TSC2: variants seen among roughly 807,000 people sequenced by gnomAD.
The protein encoded by TSC2 is TSC complex subunit 2.
Under a neutral mutation model 202.2 loss-of-function variants are expected in TSC2, and 29 were observed. That is an observed-to-expected ratio of 0.14 (90% CI 0.11 to 0.20). The LOEUF (loss-of-function observed/expected upper bound fraction) is 0.20. Ranked by LOEUF, TSC2 falls within the 10% of genes least tolerant of loss-of-function variation. The pLI, the probability that TSC2 is intolerant of heterozygous loss-of-function variation, is 1.00. For missense variants in TSC2, 2,429 were observed against 2,420.0 expected (o/e 1.00, Z -0.08); for synonymous variants, 1,349 against 1,044.0 (o/e 1.29, Z -5.63).
chr16:2,062,571 C>T lies in TSC2; in HGVS notation c.1332C>T (p.Asn444=), dbSNP rs535984356. The change falls in exon 13 of 42, where the codon AAC becomes AAT. Residue 444 remains asparagine (N), a synonymous_variant. Coordinates refer to ENST00000219476, the MANE Select transcript of TSC2 (RefSeq NM_000548.5). Reference sequence around the variant, plus strand: ...CGGCCAAGGACGGCTGGATTCAGAACCTGCAGGCGCTGATGGAGAGATTCT... The same window carrying T: ...CGGCCAAGGACGGCTGGATTCAGAATCTGCAGGCGCTGATGGAGAGATTCT... The part of the protein sequence containing the change: ...IHPAKDGWIQ[N]LQALMERFFR... The T allele has an allele frequency of 1.7e-4, 266 of 1,611,354 alleles. 3 individuals carry two copies. The South Asian group carries it at 2.5e-3, about 15-fold the overall frequency.
At position 2,088,574 on chromosome 16, in the gene TSC2, C is replaced by T. The variant is rs1412229429; in HGVS notation, c.5388C>T (p.Leu1796=). 1 of 1,609,360 alleles carries T rather than the reference C, an allele frequency of 6.2e-7. No homozygotes were observed. The highest frequency in any genetic ancestry group is 1.7e-5 in the Admixed American group (1 of 60,018). Residue 1796 remains leucine (L), a synonymous_variant, in exon 42 of 42, where the codon CTC becomes CTT. Coordinates refer to ENST00000219476, the MANE Select transcript of TSC2 (RefSeq NM_000548.5). ...PGYEVGQRKR[L]ISSVEDFTEF... is the part of the protein sequence containing the mutation. Reference sequence around the variant, plus strand: ...ATGAGGTGGGCCAGCGGAAGCGCCTCATCTCCTCGGTGGAGGACTTCACCG... The same window carrying T: ...ATGAGGTGGGCCAGCGGAAGCGCCTTATCTCCTCGGTGGAGGACTTCACCG...
chr16:2,081,695 G>T lies in TSC2; in HGVS notation c.3711G>T (p.Ala1237=). 5.6e-6 allele frequency: 9 copies of T among 1,612,942 alleles called. No individual in the cohort carries two copies. Among genetic ancestry groups the T allele is most frequent in the Non-Finnish European group, 7.6e-6 (9 of 1,180,018 alleles). The change falls in exon 31 of 42, where the codon GCG becomes GCT. Residue 1237 remains alanine (A), a synonymous_variant. Transcript: ENST00000219476. ...PLQELSNALM[A]AERFKEHRDT... ...AGGAGCTGTCTAACGCCCTCATGGCGGCTGAGCGCTTCAAGGAGCACCGGG... is the reference window on the plus strand; with the variant it reads ...AGGAGCTGTCTAACGCCCTCATGGCTGCTGAGCGCTTCAAGGAGCACCGGG...
Position 2,053,399 on chromosome 16 carries a change from C to T in TSC2, c.283C>T (p.Leu95=), listed in dbSNP as rs1257472165. The T allele has an allele frequency of 6.3e-7, 1 of 1,592,138 alleles. No homozygotes were observed. The highest frequency in any genetic ancestry group is 8.5e-7 in the Non-Finnish European group (1 of 1,170,372). Residue 95 remains leucine, a synonymous_variant, in exon 4 of 42, where the codon CTG becomes TTG. Coordinates refer to ENST00000219476, the MANE Select transcript of TSC2 (RefSeq NM_000548.5). ...VADLLQPERP[L]EARHAVLALL... is the part of the protein sequence containing the mutation. Reference sequence around the variant, plus strand: ...GGATCTGTTGCAGCCGGAGCGGCCGCTGGAGGCCCGGCACGCGGTGCTGGC... The same window carrying T: ...GGATCTGTTGCAGCCGGAGCGGCCGTTGGAGGCCCGGCACGCGGTGCTGGC...
rs771515880 is a variant in TSC2, at chr16:2,055,533, T to G, written c.599+14T>G. ...AAGGATGGTTCAGTAAGAAAAGAAT[T>G]GAGATCCTGTTCTGATAATGGTCCT... On this transcript the variant is annotated intron_variant, in intron 6 of 41. Transcript: ENST00000219476. The G allele has an allele frequency of 6.2e-7, 1 of 1,604,952 alleles. No individual in the cohort carries two copies. The highest frequency in any genetic ancestry group is 2.2e-5 in the East Asian group (1 of 44,818).
intron 2 of TSC2, among the ~76,000 whole-genome samples, chr16:2,050,036 A>G (rs1032448921): frequency 2.0e-5 from 3 of 150,502 alleles, no homozygotes; most frequent in South Asian, 2.1e-4. Flanking sequence ...GCTCACTGCA[A>G]TCTCCGCCTC....
intron 2 of TSC2, among the ~76,000 whole-genome samples, chr16:2,049,956 T>TC (rs892334893): frequency 6.7e-6 from 1 of 149,826 alleles, no homozygotes; most frequent in Non-Finnish European, 1.5e-5. Flanking sequence ...AGTAAATCTT[T>TC]TTTTTTTTTT....
intron 16 of TSC2, among the ~76,000 whole-genome samples, chr16:2,069,124 A>G (rs910867937): frequency 2.0e-5 from 3 of 152,092 alleles, no homozygotes; most frequent in Non-Finnish European, 2.9e-5. Context: ...ACACGGTGAC[A>G]AGTTTGATTC....
rs1415914208 is a variant in TSC2 at position 2,086,638 on chromosome 16, A to G, written c.4850-94A>G. On this transcript the variant is annotated intron_variant, in intron 37 of 41. Coordinates refer to ENST00000219476, the MANE Select transcript of TSC2 (RefSeq NM_000548.5). ...GAGGACGTGGTCCCCGCAGGCCCCC[A>G]GAGCCCCTGGAGTAATCAGGAGGTG... The G allele has an allele frequency of 1.9e-6, 3 of 1,575,064 alleles. No individual in the cohort carries two copies. The African/African-American group carries it at 4.0e-5, about 21-fold the overall frequency.
At position 2,070,429 on chromosome 16, in the gene TSC2, G is replaced by A. The variant is rs45517194; in HGVS notation, c.1717-27G>A. On this transcript the variant is annotated intron_variant, in intron 16 of 41. Transcript: ENST00000219476. The stretch of plus-strand genomic sequence containing the variant: ...GGACTGCGTTTTCACCTCCTGCGCC[G>A]TGGTGAGCTGCGTCCTCTCTCTGCA... The A allele has an allele frequency of 2.9e-5, 46 of 1,613,108 alleles. No homozygotes were observed. The highest frequency in any genetic ancestry group is 2.4e-4 in the East Asian group (11 of 44,900).
At chr16:2,084,019 A>G (rs1451851983) in intron 33 of TSC2, among the ~76,000 whole-genome samples, 3 of 152,140 alleles carry the variant, frequency 2.0e-5, no homozygotes, top group African/African-American at 7.2e-5. Context: ...CTGTGGTCTC[A>G]GGGGATGCTG....
chr16:2,064,551 C>G, intron 15 of TSC2, 124 bp downstream of exon 15: 1 of 1,471,504 alleles, frequency 6.8e-7, no homozygotes, highest in Admixed American at 1.9e-5. Context: ...GTGAGGCTCC[C>G]CTCCCTGCAG....
In TSC2 at chr16:2,081,713, G is replaced by A. The variant is rs2151483009; in HGVS notation, c.3729G>A (p.Glu1243=). 4 of 1,612,978 alleles carry A rather than the reference G, an allele frequency of 2.5e-6. No homozygotes were observed. Among genetic ancestry groups the A allele is most frequent in the Non-Finnish European group, 3.4e-6 (4 of 1,180,016 alleles). The change falls in exon 31 of 42, where the codon GAG becomes GAA. Residue 1243 remains glutamate, a synonymous_variant. Coordinates refer to ENST00000219476, the MANE Select transcript of TSC2 (RefSeq NM_000548.5). ...NALMAAERFK[E]HRDTALYKSL... ...TCATGGCGGCTGAGCGCTTCAAGGA[G>A]CACCGGGACACAGCCCTGTACAAGT...
rs1057521477 is a variant in TSC2 at position 2,079,448 on chromosome 16, C to T, written c.3284+20C>T. 5.6e-6 allele frequency: 9 copies of T among 1,612,592 alleles called. No homozygotes were observed. The highest frequency in any genetic ancestry group is 7.6e-6 in the Non-Finnish European group (9 of 1,179,974). ...GTCGAGGTGACTGCACCTTCCTTTC[C>T]TCCGCGCCTGCCAGCCTCGACACCG... is the stretch of plus-strand genomic sequence containing the variant. On this transcript the variant is annotated intron_variant, in intron 28 of 41. Transcript: ENST00000219476. The surrounding 1 kb of genome is among the most constrained non-coding windows in gnomAD (Gnocchi z 4.6).
Position 2,084,359 on chromosome 16 carries a change from G to A in TSC2, c.4137G>A (p.Ser1379=), listed in dbSNP as rs769653533. 6.3e-5 allele frequency: 101 copies of A among 1,612,414 alleles called. No individual in the cohort carries two copies. In the East Asian group the frequency reaches 1.2e-3, roughly 19 times the overall value. ...RPSVDLSFQP[S]QPLSKSSSSP... ...CTGTGGACCTCTCCTTCCAGCCCTC[G>A]CAGCCCCTGAGCAAGTCCAGCTCCT... The change falls in exon 34 of 42, where the codon TCG becomes TCA. Residue 1379 remains serine (S), a synonymous_variant. Coordinates refer to ENST00000219476, the MANE Select transcript of TSC2 (RefSeq NM_000548.5).
In TSC2 at chr16:2,072,388, G is replaced by C. The variant is rs149860839; in HGVS notation, c.2220+25G>C. On this transcript the variant is annotated intron_variant, in intron 20 of 41. Coordinates refer to ENST00000219476, the MANE Select transcript of TSC2 (RefSeq NM_000548.5). Reference sequence around the variant, plus strand: ...GGTACCATGGCCGGCCTGGGGTTGGGGTGGGGGACCCAGTAGGGTTTTTCC... The same window carrying C: ...GGTACCATGGCCGGCCTGGGGTTGGCGTGGGGGACCCAGTAGGGTTTTTCC... 1,388 of 1,613,254 alleles carry C rather than the reference G, an allele frequency of 8.6e-4. 15 individuals carry two copies. The African/African-American group carries it at 0.017, about 19-fold the overall frequency.
rs780981335 is a variant in TSC2, at chr16:2,077,677, G to A, written c.2917G>A (p.Glu973Lys). Residue 973 changes from glutamate to lysine, a missense_variant, in exon 26 of 42, where the codon GAG becomes AAG. Glu to Lys is a moderately conservative substitution (Grantham distance 56, BLOSUM62 1). Coordinates refer to ENST00000219476, the MANE Select transcript of TSC2 (RefSeq NM_000548.5). ...AGAATTCAAGGAGAGCTCTGCAGCC[G>A]AGGCCTTCCGGTGCCGCAGCATCAG... ...VKEFKESSAA[E>K]AFRCRSISVS... 5 of 1,612,938 alleles carry A rather than the reference G, an allele frequency of 3.1e-6. No homozygotes were observed. Among genetic ancestry groups the A allele is most frequent in the East Asian group, 4.5e-5 (2 of 44,882 alleles).
At chr16:2,057,210 G>A (rs993176924) in intron 9 of TSC2, 32 bp downstream of exon 9, 3 of 1,551,088 alleles carry the variant, frequency 1.9e-6, no homozygotes, top group Admixed American at 3.9e-5. Flanking sequence ...CAGGGCAGTG[G>A]AGGCCAGCAC....
In TSC2 at chr16:2,084,663, A is replaced by G. The variant is rs1596418520; in HGVS notation, c.4441A>G (p.Lys1481Glu). Residue 1481 changes from lysine (K) to glutamate (E), a missense_variant, in exon 34 of 42, where the codon AAG becomes GAG. Lys to Glu is a moderately conservative substitution (Grantham distance 56). Transcript: ENST00000219476. ...RGKRVERDAL[K>E]SRATASNAEK... Reference sequence around the variant, plus strand: ...CAAGAGAGTAGAGAGGGACGCCTTAAAGAGCAGAGCCACAGCCTCCAATGC... The same window carrying G: ...CAAGAGAGTAGAGAGGGACGCCTTAGAGAGCAGAGCCACAGCCTCCAATGC... 6.3e-7 allele frequency: 1 copy of G among 1,598,816 alleles called. No homozygotes were observed. Among genetic ancestry groups the G allele is most frequent in the Non-Finnish European group, 8.5e-7 (1 of 1,179,812 alleles).
intron 17 of TSC2, 62 bp downstream of exon 17, chr16:2,070,640 C>T (rs1238463430): frequency 1.2e-6 from 2 of 1,610,136 alleles, no homozygotes; most frequent in Non-Finnish European, 1.7e-6. Flanking sequence ...CCCGTCTCGG[C>T]AGGTGTGGTT....
Sources: gnomAD v4.1 joint callset for allele counts (sites outside exome capture counted in the v4.1 genomes callset) on GRCh38, gnomAD v4.1.1 for gene constraint, Gnocchi (gnomAD v3.1) non-coding constraint, MANE v1.5 for transcripts, NCBI Gene and HGNC (gene_info 2026-07-23, HGNC 2026-07-21) for gene names.